The following DLGAP2 variants were observed in gnomAD, a reference collection of about 807,000 sequenced individuals.
DLGAP2 encodes disks large-associated protein 2.
In DLGAP2, 26 loss-of-function variants were observed where a neutral mutation model predicts 100.3. The observed-to-expected ratio is 0.26, with a 90% CI of 0.19 to 0.36. DLGAP2 has a LOEUF of 0.36. DLGAP2 is among the 10% of genes least tolerant of loss of function. The pLI is 1.00. For missense variants in DLGAP2, 1,858 were observed against 1,453.2 expected, an observed-to-expected ratio of 1.28 and a Z score of -4.53; for synonymous variants, 886 against 630.1, an observed-to-expected ratio of 1.41 and a Z score of -6.08.
intron 3 of DLGAP2, chr8:1,380,234 G>A (rs1796060521): frequency 1.3e-5 from 2 of 152,202 alleles, no homozygotes; most frequent in South Asian, 2.1e-4. Flanking sequence ...AGGCAGCAAA[G>A]CGCTTTGCAG....
chr8:1,175,716 A>C (rs938878377), intron 2 of DLGAP2, among the ~76,000 whole-genome samples: 1 of 152,214 alleles, frequency 6.6e-6, no homozygotes, highest in Non-Finnish European at 1.5e-5. Flanking sequence ...TTAAGAGCTC[A>C]ATTCTTGACC....
chr8:1,295,756 G>A (rs1278177831), intron 3 of DLGAP2, among the ~76,000 whole-genome samples: 1 of 152,248 alleles, frequency 6.6e-6, no homozygotes, highest in African/African-American at 2.4e-5. Context: ...GGGCAGGGGA[G>A]CTGTGGGGTG....
chr8:1,600,683 A>G (rs1796596922), intron 6 of DLGAP2, among the ~76,000 whole-genome samples: 1 of 152,162 alleles, frequency 6.6e-6, no homozygotes, highest in African/African-American at 2.4e-5. Context: ...ATACTTGTGT[A>G]TGCTTCACGA....
At chr8:1,063,664 A>G (rs938682458) in intron 2 of DLGAP2, among the ~76,000 whole-genome samples, 52 of 152,204 alleles carry the variant, frequency 3.4e-4, no homozygotes, top group Admixed American at 3.2e-3. Context: ...TGCTAGCTTT[A>G]AAAGTTCCTG....
intron 4 of DLGAP2, among the ~76,000 whole-genome samples, chr8:1,503,955 C>T (rs547393527): frequency 1.3e-5 from 2 of 152,238 alleles, no homozygotes; most frequent in East Asian, 3.9e-4. Flanking sequence ...CTGAAGCAGC[C>T]AGGTGCAGGC....
At chr8:1,018,301 G>A (rs550108612) in intron 2 of DLGAP2, among the ~76,000 whole-genome samples, 2 of 152,194 alleles carry the variant, frequency 1.3e-5, no homozygotes, top group Admixed American at 6.5e-5. Context: ...CTGATGTTCA[G>A]TGTGTGACTA....
intron 4 of DLGAP2, among the ~76,000 whole-genome samples, chr8:1,532,487 T>C (rs1801017328): frequency 6.6e-6 from 1 of 152,222 alleles, no homozygotes; most frequent in Non-Finnish European, 1.5e-5. Context: ...TATTTTCATA[T>C]GGAATACTAT....
At position 1,626,790 on chromosome 8, in the gene DLGAP2, A is replaced by C; in HGVS notation, c.1493A>C (p.Asp498Ala). The C allele has an allele frequency of 1.2e-6, 2 of 1,603,614 alleles. No individual in the cohort carries two copies. Among genetic ancestry groups the C allele is most frequent in the Middle Eastern group, 1.7e-4 (1 of 6,058 alleles). ...ASDVPVGHSL[D>A]PAANYNSPKF... ...GATGTGCCTGTGGGACACAGCCTGGACCCCGCTGCGAACTACAACTCCCCG... is the reference window on the plus strand; with the variant it reads ...GATGTGCCTGTGGGACACAGCCTGGCCCCCGCTGCGAACTACAACTCCCCG... The change falls in exon 7 of 15, where the codon GAC becomes GCC. Residue 498 changes from aspartate to alanine, a missense_variant. Physicochemically the swap from Asp to Ala is moderately radical, Grantham distance 126. Coordinates refer to ENST00000637795, the MANE Select transcript of DLGAP2 (RefSeq NM_001346810.2).
At chr8:1,022,001 A>G (rs1010872492) in intron 2 of DLGAP2, among the ~76,000 whole-genome samples, 2 of 152,180 alleles carry the variant, frequency 1.3e-5, no homozygotes, top group Non-Finnish European at 2.9e-5. Context: ...GTGCGAAAGC[A>G]TCATGGACAA....
At chr8:1,515,138 G>A (rs973920421) in intron 4 of DLGAP2, among the ~76,000 whole-genome samples, 2 of 152,172 alleles carry the variant, frequency 1.3e-5, no homozygotes, top group Non-Finnish European at 2.9e-5. Context: ...GAGAAAACAA[G>A]GAAGGAGGAG....
At chr8:1,137,509 C>G (rs1164695387) in intron 2 of DLGAP2, 1 of 152,318 alleles carries the variant, frequency 6.6e-6, no homozygotes, top group East Asian at 1.9e-4. Flanking sequence ...TTTTCTTACT[C>G]TATGCATTGG....
At chr8:1,656,285 G>C (rs1585037403) in intron 8 of DLGAP2, among the ~76,000 whole-genome samples, 1 of 152,042 alleles carries the variant, frequency 6.6e-6, no homozygotes, top group South Asian at 2.1e-4. Flanking sequence ...ATTCCAGCCT[G>C]GGTGACAGGG....
intron 2 of DLGAP2, among the ~76,000 whole-genome samples, chr8:1,159,777 C>G (rs1796855331): frequency 6.6e-6 from 1 of 152,116 alleles, no homozygotes; most frequent in African/African-American, 2.4e-5. Context: ...GTGAAGTATT[C>G]AAGGAACGAA....
intron 4 of DLGAP2, among the ~76,000 whole-genome samples, chr8:1,514,175 G>T (rs537044005): frequency 6.6e-6 from 1 of 152,262 alleles, no homozygotes; most frequent in Non-Finnish European, 1.5e-5. Context: ...AATTCACAGT[G>T]ACGGGAAAGA....
chr8:1,185,464 A>T (rs919174292), intron 2 of DLGAP2, among the ~76,000 whole-genome samples: 6 of 152,082 alleles, frequency 3.9e-5, no homozygotes, highest in African/African-American at 1.2e-4. Context: ...TGCAAGTAGG[A>T]TGCTGAAATT....
chr8:1,031,573 C>T lies in DLGAP2; in HGVS notation c.73+123607C>T, dbSNP rs542097187. Among the ~76,000 whole-genome samples the T allele has an allele frequency of 7.9e-5, 12 of 151,962 alleles. No homozygotes were observed. The South Asian group carries it at 1.0e-3, about 13-fold the overall frequency. ...ACTATAGGGTGCATGTCACCATGCC[C>T]GGCTGTTTTGTATTTTTTGTAGAGA... On this transcript the variant is annotated intron_variant, in intron 2 of 14. Transcript: ENST00000637795.
At chr8:1,368,257 TGC>T (rs1441815146) in intron 3 of DLGAP2, among the ~76,000 whole-genome samples, 4 of 152,116 alleles carry the variant, frequency 2.6e-5, no homozygotes, top group African/African-American at 9.7e-5. Context: ...AGCATGTGTG[TGC>T]GTGTGTGCAG....
intron 6 of DLGAP2, among the ~76,000 whole-genome samples, chr8:1,595,590 C>G (rs914150325): frequency 2.3e-4 from 34 of 148,742 alleles, no homozygotes; most frequent in African/African-American, 7.9e-4. Flanking sequence ...TGGCGTGAAC[C>G]CGGGAAGCGG....
In DLGAP2 at chr8:1,225,553, G is replaced by A. The variant is rs182714437; in HGVS notation, c.74-33298G>A. On this transcript the variant is annotated intron_variant, in intron 2 of 14. Coordinates refer to ENST00000637795, the MANE Select transcript of DLGAP2 (RefSeq NM_001346810.2). ...TATTAAATGCCACTACATGGATCCCGTCAAAATGGTTAATTTTATGTTTTT... is the reference window on the plus strand; with the variant it reads ...TATTAAATGCCACTACATGGATCCCATCAAAATGGTTAATTTTATGTTTTT... Among the ~76,000 whole-genome samples, 179 of 152,274 alleles carry A rather than the reference G, an allele frequency of 1.2e-3. 2 individuals are homozygous for A. The highest frequency in any genetic ancestry group is 7.7e-4 in the East Asian group (4 of 5,190).
Sources: gnomAD v4.1 joint callset for allele counts (sites outside exome capture counted in the v4.1 genomes callset) on GRCh38, gnomAD v4.1.1 for gene constraint, MANE v1.5 for transcripts, NCBI Gene and HGNC (gene_info 2026-07-23, HGNC 2026-07-21) for gene names.